The following RC3H2 variants were observed in gnomAD, a reference collection of about 807,000 sequenced individuals.
The protein encoded by RC3H2 is roquin-2.
RC3H2 carries 31 observed loss-of-function variants against 133.3 expected under a neutral mutation model. That is an observed-to-expected ratio of 0.23 (90% CI 0.17 to 0.31). The LOEUF is 0.31. Ranked by LOEUF, RC3H2 falls within the 10% of genes least tolerant of loss-of-function variation. RC3H2 has a pLI of 1.00. For synonymous variants in RC3H2, 517 were observed against 502.2 expected (o/e 1.03, Z -0.40); for missense variants, 1,175 against 1,437.2 (o/e 0.82, Z 2.95).
Position 122,855,835 on chromosome 9 carries a change from A to T in RC3H2, c.2498T>A (p.Leu833His). The T allele has an allele frequency of 6.2e-7, 1 of 1,613,800 alleles. No individual in the cohort carries two copies. Among genetic ancestry groups the T allele is most frequent in the Non-Finnish European group, 8.5e-7 (1 of 1,179,778 alleles). Residue 833 changes from leucine to histidine, a missense_variant, in exon 14 of 21, where the codon CTT becomes CAT. By Grantham distance (99) the Leu-to-His change is moderately conservative (BLOSUM62 -3). Around this residue, in one of 8 missense-constraint regions of RC3H2, gnomAD observed 490 missense variants for 492.8 expected, o/e 0.99. Coordinates refer to ENST00000357244, the MANE Select transcript of RC3H2 (RefSeq NM_001100588.3). The part of the protein sequence containing the change: ...VSGTKFEEDH[L>H]SHYSPWSCGT... ...ACAAGACCAGGGAGAATAATGGGAAAGATGATCTTCTTCAAATTTTGTACC... is the reference window on the plus strand; with the variant it reads ...ACAAGACCAGGGAGAATAATGGGAATGATGATCTTCTTCAAATTTTGTACC...
intron 9 of RC3H2, 39 bp downstream of exon 9, chr9:122,877,430 CAA>C (rs1209495273): frequency 4.6e-6 from 7 of 1,517,814 alleles, no homozygotes; most frequent in Non-Finnish European, 6.4e-6. Flanking sequence ...CCATAAAAAT[CAA>C]AAATTAAACC....
rs1176158665 is a variant in RC3H2, at chr9:122,865,406, T to C, written c.1577A>G (p.Lys526Arg). The change falls in exon 10 of 21, where the codon AAG becomes AGG. Residue 526 changes from lysine to arginine, a missense_variant. By Grantham distance (26) the Lys-to-Arg change is conservative. Coordinates refer to ENST00000357244, the MANE Select transcript of RC3H2 (RefSeq NM_001100588.3). ...AGCATTCTGACCATTAGCGCCAACCTTTCCCACTTTCTTCACGGTCTCCAG... is the reference window on the plus strand; with the variant it reads ...AGCATTCTGACCATTAGCGCCAACCCTTCCCACTTTCTTCACGGTCTCCAG... ...RALETVKKVG[K>R]VGANGQNAAG... 25 of 1,614,194 alleles carry C rather than the reference T, an allele frequency of 1.5e-5. No homozygotes were observed. The highest frequency in any genetic ancestry group is 2.0e-5 in the Non-Finnish European group (24 of 1,180,004).
At chr9:122,890,068 G>C in intron 4 of RC3H2, 1 of 595,312 alleles carries the variant, frequency 1.7e-6, no homozygotes. Context: ...CTTGAGCATG[G>C]ATGTCGAGGC....
intron 10 of RC3H2, among the ~76,000 whole-genome samples, chr9:122,863,294 G>C (rs1354685866): frequency 6.6e-6 from 1 of 152,074 alleles, no homozygotes; most frequent in Non-Finnish European, 1.5e-5. Context: ...ATATAAAACA[G>C]TTTTACAAAA....
In RC3H2 at chr9:122,848,679, TGTTA is replaced by T. The variant is rs1829918350; in HGVS notation, c.*944_*947del. On this transcript the variant is annotated 3_prime_UTR_variant, in exon 21 of 21. Transcript: ENST00000357244. ...AATTAAAAACCCAGCAATACCATCTTGTTAGTCAGTGCAAACGCTACATACAGGG... is the reference window on the plus strand; with the variant it reads ...AATTAAAAACCCAGCAATACCATCTTGTCAGTGCAAACGCTACATACAGGG... The T allele has an allele frequency of 6.6e-6, 1 of 152,198 alleles. No homozygotes were observed. Among genetic ancestry groups the T allele is most frequent in the Non-Finnish European group, 1.5e-5 (1 of 68,018 alleles). The allele number at this position is 152,198 out of a possible 1,614,324, so 9.4% of individuals were successfully genotyped here. A position where few individuals can be genotyped will look rare whatever the true frequency, so the allele number is the denominator to read the frequency against.
At chr9:122,878,530 A>C (rs908787615) in intron 8 of RC3H2, among the ~76,000 whole-genome samples, 1 of 152,032 alleles carries the variant, frequency 6.6e-6, no homozygotes, top group Non-Finnish European at 1.5e-5. Context: ...TCAGCCTCCC[A>C]AAGTGCTGGG....
intron 8 of RC3H2, 25 bp from the exon 9 acceptor site, chr9:122,877,608 T>C: frequency 6.4e-7 from 1 of 1,558,038 alleles, no homozygotes; most frequent in Non-Finnish European, 8.9e-7. Flanking sequence ...ACACATTCAA[T>C]GAGTGGCAAG....
At position 122,865,650 on chromosome 9, in the gene RC3H2, A is replaced by G; in HGVS notation, c.1333T>C (p.Leu445=). Residue 445 remains leucine (L), a synonymous_variant, in exon 10 of 21, where the codon TTA becomes CTA. Coordinates refer to ENST00000357244, the MANE Select transcript of RC3H2 (RefSeq NM_001100588.3). ...GTGGCATTGATCTTTTTGTTCCTTA[A>G]TCGATACCTGTTTCAAAAACAATCA... is the stretch of plus-strand genomic sequence containing the variant. The part of the protein sequence containing the change: ...HSQEELEKYR[L]RNKKINATVR... 1 of 1,607,936 alleles carries G rather than the reference A, an allele frequency of 6.2e-7. No homozygotes were observed.
chr9:122,877,396 A>C, intron 9 of RC3H2, 75 bp downstream of exon 9: 1 of 1,143,852 alleles, frequency 8.7e-7, no homozygotes, highest in Non-Finnish European at 1.3e-6. Flanking sequence ...GTCATCACAA[A>C]CTTCAGGACT....
chr9:122,871,650 C>T (rs1479907595), intron 9 of RC3H2, among the ~76,000 whole-genome samples: 2 of 151,922 alleles, frequency 1.3e-5, no homozygotes, highest in South Asian at 2.1e-4. Context: ...AGAGTCTTTC[C>T]TACACTATTC....
rs1231429858 is a variant in RC3H2, at chr9:122,845,262, A to G, written c.*4365T>C. The G allele has an allele frequency of 1.3e-5, 2 of 152,224 alleles. No homozygotes were observed. The highest frequency in any genetic ancestry group is 2.9e-5 in the Non-Finnish European group (2 of 68,032). 9.4% of individuals were successfully genotyped at this position (152,224 alleles called of 1,614,324 possible). ...AAAGAATATGCAATAAACAGTATAA[A>G]TGCAGACAGCAGTTGCTGCAAGCTA... is the stretch of plus-strand genomic sequence containing the variant. On this transcript the variant is annotated 3_prime_UTR_variant, in exon 21 of 21. Transcript: ENST00000357244.
At chr9:122,888,775 A>G (rs1026550639) in intron 4 of RC3H2, among the ~76,000 whole-genome samples, 6 of 152,174 alleles carry the variant, frequency 3.9e-5, no homozygotes, top group African/African-American at 1.2e-4. Context: ...TGCTATTACA[A>G]ATAGTGCTTT....
chr9:122,905,059 C>A (rs1832790362), intron 1 of RC3H2, 51 bp downstream of exon 1: 3 of 982,118 alleles, frequency 3.1e-6, no homozygotes, highest in Non-Finnish European at 3.6e-6. Context: ...CCGCCGGGGA[C>A]CAGGCACCCG....
rs79828468 is a variant in RC3H2, at chr9:122,851,266, T to G, written c.3232-37A>C. ...AAATGTTAATCCTTCAGTATGAAAG[T>G]ATTTTATAAATTTTCAATCAAACAA... On this transcript the variant is annotated intron_variant, in intron 19 of 20. Coordinates refer to ENST00000357244, the MANE Select transcript of RC3H2 (RefSeq NM_001100588.3). The G allele has an allele frequency of 3.3e-3, 5,304 of 1,611,696 alleles. 152 individuals are homozygous for G. In the African/African-American group the frequency reaches 0.061, roughly 19 times the overall value.
At chr9:122,853,487 C>T (rs1340140412) in intron 18 of RC3H2, among the ~76,000 whole-genome samples, 2 of 152,042 alleles carry the variant, frequency 1.3e-5, no homozygotes, top group East Asian at 3.9e-4. Context: ...CACGGGGGCT[C>T]ACACCTGTAA....
chr9:122,850,892 T>C (rs1829995332), intron 20 of RC3H2, among the ~76,000 whole-genome samples, 189 bp downstream of exon 20: 1 of 152,246 alleles, frequency 6.6e-6, no homozygotes, highest in Non-Finnish European at 1.5e-5. Flanking sequence ...AAAGCAAGTT[T>C]CAGGCTACCA....
chr9:122,900,375 T>TA, intron 1 of RC3H2, among the ~76,000 whole-genome samples: 1 of 152,208 alleles, frequency 6.6e-6, no homozygotes, highest in Non-Finnish European at 1.5e-5. Context: ...ATTTTCCAAA[T>TA]ATGTTTTTCT....
At chr9:122,889,204 T>C (rs1832060420) in intron 4 of RC3H2, among the ~76,000 whole-genome samples, 1 of 152,156 alleles carries the variant, frequency 6.6e-6, no homozygotes, top group Admixed American at 6.5e-5. Context: ...GTGATGTAAA[T>C]TAAACACAAA....
rs1421255323 is a variant in RC3H2 at position 122,859,029 on chromosome 9, G to A, written c.1923C>T (p.Asn641=). ...CAGGTGGGAGGGAGGACTCTGGAAC[G>A]TTATTGGACCTCACAAAGCGAGGAA... ...PCVPRFVRSN[N]VPESSLPPAS... is the part of the protein sequence containing the mutation. Residue 641 remains asparagine, a synonymous_variant, in exon 12 of 21, where the codon AAC becomes AAT. Coordinates refer to ENST00000357244, the MANE Select transcript of RC3H2 (RefSeq NM_001100588.3). 1.1e-5 allele frequency: 18 copies of A among 1,612,620 alleles called. 1 individual carries two copies. Among genetic ancestry groups the A allele is most frequent in the African/African-American group, 5.3e-5 (4 of 74,918 alleles).
Sources: allele counts gnomAD v4.1 joint callset (sites outside exome capture counted in the v4.1 genomes callset), GRCh38; gene constraint gnomAD v4.1.1; regional missense constraint gnomAD v4.1.1; transcripts MANE v1.5; gene names NCBI Gene and HGNC (gene_info 2026-07-23, HGNC 2026-07-21).